Variants in NRG4 observed in about 807,000 individuals in gnomAD.
NRG4 encodes the protein pro-neuregulin-4, membrane-bound isoform.
In NRG4, 10 loss-of-function variants were observed where a neutral mutation model predicts 15.0. That is an observed-to-expected ratio of 0.67 (90% CI 0.41 to 1.13). The LOEUF is 1.13. Among genes scored for constraint, NRG4 ranks in the 50% most tolerant of loss-of-function variants. NRG4 has a pLI of 0.00. For synonymous variants in NRG4, 41 were observed against 50.1 expected, an observed-to-expected ratio of 0.82 and a Z score of 0.77; for missense variants, 139 against 140.2, an observed-to-expected ratio of 0.99 and a Z score of 0.04.
At position 75,942,560 on chromosome 15, in the gene NRG4, T is replaced by G; in HGVS notation, c.*1078A>C. ...ACTCTGTCTCAATGTCTTACCCTCA[T>G]GTGTTTGTGAAATGAGTGAATGATG... On this transcript the variant is annotated 3_prime_UTR_variant, in exon 6 of 6. Transcript: ENST00000394907. 6.6e-6 allele frequency: 1 copy of G among 152,174 alleles called. No individual in the cohort carries two copies. 9.4% of individuals were successfully genotyped at this position (152,174 alleles called of 1,614,324 possible). A position where few individuals can be genotyped will look rare whatever the true frequency, so the allele number is the denominator to read the frequency against.
rs886768607 is a variant in NRG4 at position 75,977,478 on chromosome 15, G to A, written c.105-15504C>T. 2.6e-5 allele frequency among the ~76,000 whole-genome samples: 4 copies of A among 152,182 alleles called. No homozygotes were observed. The highest frequency in any genetic ancestry group is 4.8e-5 in the African/African-American group (2 of 41,442). ...CACCCGAGGGAATCTCCTGGTCTGC[G>A]GGTTGCAAAGACCATGGGAAAAGCA... On this transcript the variant is annotated intron_variant, in intron 3 of 5. Coordinates refer to ENST00000394907, the MANE Select transcript of NRG4 (RefSeq NM_138573.4). This position sits in a 1 kb window ranked among gnomAD's most constrained non-coding sequence, Gnocchi z 4.9.
chr15:75,963,716 T>G (rs1341280100), intron 3 of NRG4, among the ~76,000 whole-genome samples: 1 of 148,784 alleles, frequency 6.7e-6, no homozygotes, highest in East Asian at 2.0e-4. Context: ...AGGCGGAGGT[T>G]GCAGTGAGCT....
chr15:76,020,008 T>C (rs61060586), intron 5 of NRG4, among the ~76,000 whole-genome samples: 5,089 of 152,292 alleles, frequency 0.033, 139 homozygotes, highest in African/African-American at 0.073. Context: ...ATTTTGGTAA[T>C]CCTTGCAATA....
intron 3 of NRG4, among the ~76,000 whole-genome samples, chr15:75,995,366 G>T (rs1180970912): frequency 1.4e-4 from 22 of 152,036 alleles, no homozygotes; most frequent in Admixed American, 1.4e-3. Flanking sequence ...GTGAGAGAGG[G>T]AGCAAGAGAG....
intron 4 of NRG4, among the ~76,000 whole-genome samples, chr15:75,957,236 C>T (rs1472539587): frequency 6.6e-6 from 1 of 152,162 alleles, no homozygotes; most frequent in Non-Finnish European, 1.5e-5. Flanking sequence ...TTGCACTTCA[C>T]ACACGCCGTA....
chr15:76,048,763 G>A (rs1291409581), intron 4 of NRG4, among the ~76,000 whole-genome samples: 2 of 149,964 alleles, frequency 1.3e-5, no homozygotes, highest in Non-Finnish European at 3.0e-5. Flanking sequence ...TCCAAATAGG[G>A]GCCAGGCGTG....
At chr15:76,057,458 G>A (rs2036179810) in intron 1 of NRG4, among the ~76,000 whole-genome samples, 1 of 152,132 alleles carries the variant, frequency 6.6e-6, no homozygotes, top group Non-Finnish European at 1.5e-5. Flanking sequence ...CAGCCTCAAG[G>A]GCTAATCCTC....
intron 4 of NRG4, among the ~76,000 whole-genome samples, chr15:75,961,497 G>A (rs2141814429): frequency 6.6e-6 from 1 of 152,206 alleles, no homozygotes; most frequent in Middle Eastern, 3.4e-3. Context: ...TGCGTAAGTT[G>A]TTCCTTTTCT....
chr15:75,994,805 C>G (rs1247494196), intron 3 of NRG4, among the ~76,000 whole-genome samples: 1 of 152,168 alleles, frequency 6.6e-6, no homozygotes, highest in East Asian at 1.9e-4. Flanking sequence ...AGCAACACAA[C>G]AATATATTTG....
chr15:75,964,799 G>A (rs1044425262), intron 3 of NRG4, among the ~76,000 whole-genome samples: 16 of 152,016 alleles, frequency 1.1e-4, no homozygotes, highest in South Asian at 2.1e-4. Context: ...GGTGGCCCAC[G>A]CCTGTAGTCA....
chr15:76,025,951 T>G (rs987956110), intron 5 of NRG4, among the ~76,000 whole-genome samples: 1 of 150,238 alleles, frequency 6.7e-6, no homozygotes, highest in African/African-American at 2.4e-5. Flanking sequence ...AATTTCTGAA[T>G]GTGAAGACAG....
intron 3 of NRG4, among the ~76,000 whole-genome samples, chr15:75,968,442 G>T (rs972970937): frequency 3.9e-5 from 6 of 152,046 alleles, no homozygotes; most frequent in Admixed American, 1.3e-4. Context: ...ACAAAAATTA[G>T]CTGGGCATGG....
rs371675520 is a variant in NRG4, at chr15:76,020,894, G to A, written c.-56-9608C>T. 2.7e-4 allele frequency among the ~76,000 whole-genome samples: 41 copies of A among 152,304 alleles called. 1 individual carries two copies. In the South Asian group the frequency reaches 6.0e-3, roughly 22 times the overall value. On this transcript the variant is annotated intron_variant, in intron 5 of 8. Coordinates refer to the NRG4 transcript ENST00000563910. ...AAAAGTGCAAGGTAAAGCAACAAGC[G>A]CTAATGTAGAAGCTGCAGCAAATTA...
chr15:75,975,152 A>G (rs1347081939), intron 3 of NRG4, among the ~76,000 whole-genome samples: 2 of 152,116 alleles, frequency 1.3e-5, no homozygotes, highest in African/African-American at 2.4e-5. Context: ...AGGCTGTTTT[A>G]TCGGAGACTA....
intron 4 of NRG4, chr15:75,959,214 C>T: frequency 3.6e-6 from 1 of 273,980 alleles, no homozygotes; most frequent in Non-Finnish European, 7.4e-6. Flanking sequence ...TCTTAAACTC[C>T]TGGTCTCAAG....
At chr15:76,051,074 C>T (rs1448538953) in intron 4 of NRG4, among the ~76,000 whole-genome samples, 2 of 148,086 alleles carry the variant, frequency 1.4e-5, no homozygotes, top group Non-Finnish European at 3.0e-5. Context: ...GGCGGGATCT[C>T]GGCTCACTGC....
chr15:75,938,904 G>A (rs986705455), downstream of NRG4: 1 of 151,992 alleles, frequency 6.6e-6, no homozygotes, highest in Non-Finnish European at 1.5e-5. Flanking sequence ...AATCACAAGG[G>A]AAATTAAAAA....
intron 4 of NRG4, among the ~76,000 whole-genome samples, chr15:76,042,766 T>C (rs933231466): frequency 6.6e-6 from 1 of 151,986 alleles, no homozygotes; most frequent in Non-Finnish European, 1.5e-5. Context: ...CAAACTATTC[T>C]GAAAAAGAGA....
At chr15:75,976,205 C>T (rs2033359412) in intron 3 of NRG4, among the ~76,000 whole-genome samples, 1 of 152,186 alleles carries the variant, frequency 6.6e-6, no homozygotes, top group Admixed American at 6.5e-5. Flanking sequence ...ATGTTCTTCT[C>T]TACACTGGTT....
Sources: allele counts gnomAD v4.1 joint callset (sites outside exome capture counted in the v4.1 genomes callset), GRCh38; gene constraint gnomAD v4.1.1; non-coding constraint Gnocchi (gnomAD v3.1); transcripts MANE v1.5; gene names NCBI Gene and HGNC (gene_info 2026-07-23, HGNC 2026-07-21).